The following AHI1 variants were observed in gnomAD, a reference collection of about 807,000 sequenced individuals.
AHI1 encodes jouberin.
Under a neutral mutation model 149.3 loss-of-function variants are expected in AHI1, and 123 were observed. The ratio of observed to expected loss-of-function variants is 0.82; its 90% CI spans 0.71 to 0.96. AHI1 has a LOEUF of 0.96. Ranked by LOEUF, AHI1 falls within the 40% of genes least tolerant of loss-of-function variation. The probability of loss-of-function intolerance (pLI) is 0.00; values close to 1 mark genes in which losing one functional copy is unlikely to be tolerated. For synonymous variants in AHI1, 475 were observed against 459.8 expected (o/e 1.03, Z -0.42); for missense variants, 1,439 against 1,422.7 (o/e 1.01, Z -0.18).
At chr6:135,359,366 G>C (rs1259372985) in intron 23 of AHI1, among the ~76,000 whole-genome samples, 2 of 152,082 alleles carry the variant, frequency 1.3e-5, no homozygotes, top group Non-Finnish European at 2.9e-5. Flanking sequence ...GTAAAACATG[G>C]ATATCCTTTT....
At chr6:135,316,617 A>C (rs1213327869) in intron 26 of AHI1, among the ~76,000 whole-genome samples, 1 of 151,332 alleles carries the variant, frequency 6.6e-6, no homozygotes, top group Non-Finnish European at 1.5e-5. Context: ...ATTCTTTCTT[A>C]ATTTTCTCTT....
chr6:135,492,623 G>A (rs779237387), intron 3 of AHI1: 62 of 985,218 alleles, frequency 6.3e-5, no homozygotes, highest in Middle Eastern at 5.2e-4. Flanking sequence ...ACATTTCAAC[G>A]CACTTTTAAG....
At chr6:135,366,262 C>T (rs756765746) in intron 23 of AHI1, among the ~76,000 whole-genome samples, 6 of 151,180 alleles carry the variant, frequency 4.0e-5, no homozygotes, top group Non-Finnish European at 7.4e-5. Context: ...TTTGTTACGT[C>T]CTTTCCTGGC....
At chr6:135,381,886 C>T (rs980596691) in intron 23 of AHI1, among the ~76,000 whole-genome samples, 4 of 152,092 alleles carry the variant, frequency 2.6e-5, no homozygotes, top group African/African-American at 7.2e-5. Flanking sequence ...AGTAGGCTCT[C>T]CATAAACAAT....
chr6:135,314,711 C>A lies in AHI1; in HGVS notation c.3426+3808G>T, dbSNP rs531148812. Reference sequence around the variant, plus strand: ...ACAGGCTACTCATTCTCACATAGTTCATGGTTCTCTCATGAACCATGAGAG... The same window carrying A: ...ACAGGCTACTCATTCTCACATAGTTAATGGTTCTCTCATGAACCATGAGAG... On this transcript the variant is annotated intron_variant, in intron 26 of 28. Coordinates refer to ENST00000265602, the MANE Select transcript of AHI1 (RefSeq NM_001134831.2). 5.3e-5 allele frequency among the ~76,000 whole-genome samples: 8 copies of A among 152,272 alleles called. No individual in the cohort carries two copies. In the East Asian group the frequency reaches 1.5e-3, roughly 29 times the overall value.
chr6:135,320,801 T>C (rs1482100189), intron 25 of AHI1, among the ~76,000 whole-genome samples: 1 of 152,156 alleles, frequency 6.6e-6, no homozygotes, highest in African/African-American at 2.4e-5. Flanking sequence ...TGAGGCATAC[T>C]CCAGAGTGAC....
At chr6:135,430,452 TAG>T (rs1403183528) in intron 17 of AHI1, among the ~76,000 whole-genome samples, 3 of 151,942 alleles carry the variant, frequency 2.0e-5, no homozygotes, top group Non-Finnish European at 4.4e-5. Flanking sequence ...ACAGATCTGA[TAG>T]ACTCAACAGA....
At chr6:135,373,518 A>G (rs551377114) in intron 23 of AHI1, among the ~76,000 whole-genome samples, 1 of 152,348 alleles carries the variant, frequency 6.6e-6, no homozygotes, top group Admixed American at 6.5e-5. Flanking sequence ...AGATACTAAT[A>G]CAGTCTAGAG....
intron 7 of AHI1, 69 bp from the exon 8 acceptor site, chr6:135,463,375 CAG>C (rs1790234493): frequency 1.6e-6 from 2 of 1,265,494 alleles, no homozygotes; most frequent in Non-Finnish European, 2.2e-6. Context: ...CATGATGCAA[CAG>C]AGTGAACAGT....
intron 5 of AHI1, among the ~76,000 whole-genome samples, chr6:135,474,226 C>T (rs1467392998): frequency 6.6e-6 from 1 of 152,138 alleles, no homozygotes; most frequent in East Asian, 1.9e-4. Flanking sequence ...CTTCTAGTAG[C>T]ACTTTTTTTG....
In AHI1 at chr6:135,455,888, A is replaced by G; in HGVS notation, c.1190T>C (p.Val397Ala). ...PVSSYYEKEN[V>A]DYILPIMTQP... Reference sequence around the variant, plus strand: ...GGTCATAATAGGAAGAATATAATCCACATTCTCTTTTTCATAGTAAGATGA... The same window carrying G: ...GGTCATAATAGGAAGAATATAATCCGCATTCTCTTTTTCATAGTAAGATGA... Residue 397 changes from valine (V) to alanine (A), a missense_variant, in exon 10 of 29, where the codon GTG becomes GCG. Coordinates refer to ENST00000265602, the MANE Select transcript of AHI1 (RefSeq NM_001134831.2). 1 of 1,548,062 alleles carries G rather than the reference A, an allele frequency of 6.5e-7. No individual in the cohort carries two copies. The highest frequency in any genetic ancestry group is 1.2e-5 in the South Asian group (1 of 80,248).
chr6:135,327,507 T>C (rs973155579), intron 24 of AHI1, among the ~76,000 whole-genome samples: 2 of 152,198 alleles, frequency 1.3e-5, no homozygotes, highest in Admixed American at 6.5e-5. Context: ...CAGTGTGGTG[T>C]TATAATATGT....
Position 135,399,187 on chromosome 6 carries a change from G to T in AHI1, c.2989-4291C>A, listed in dbSNP as rs370009392. 9.2e-4 allele frequency among the ~76,000 whole-genome samples: 140 copies of T among 152,184 alleles called. 2 individuals carry two copies. The highest frequency in any genetic ancestry group is 3.0e-3 in the African/African-American group (124 of 41,530). Reference sequence around the variant, plus strand: ...GACAGGGAAGACCCTGCTTCAAAACGAAAAATTCTACTTTCGAATTCCTAC... The same window carrying T: ...GACAGGGAAGACCCTGCTTCAAAACTAAAAATTCTACTTTCGAATTCCTAC... On this transcript the variant is annotated intron_variant, in intron 22 of 28. Transcript: ENST00000265602.
chr6:135,364,902 C>T lies in AHI1; in HGVS notation c.3110-6715G>A, dbSNP rs374071765. ...CCGTGGAAAGAGAGGGAGAGGGAGA[C>T]CGTGGGGAGAGGAAGAGGAAGAGGG... On this transcript the variant is annotated intron_variant, in intron 23 of 28. Coordinates refer to ENST00000265602, the MANE Select transcript of AHI1 (RefSeq NM_001134831.2). 4.0e-5 allele frequency among the ~76,000 whole-genome samples: 6 copies of T among 150,456 alleles called. No individual in the cohort carries two copies. In the East Asian group the frequency reaches 1.2e-3, roughly 29 times the overall value.
intron 5 of AHI1, among the ~76,000 whole-genome samples, chr6:135,489,495 T>C (rs1794941147): frequency 6.6e-6 from 1 of 152,158 alleles, no homozygotes; most frequent in Non-Finnish European, 1.5e-5. Flanking sequence ...TTTTTGCTTT[T>C]GCCCAACATA....
rs138772697 is a variant in AHI1, at chr6:135,466,493, T to C, written c.190-120A>G. 5.7e-4 allele frequency: 531 copies of C among 931,320 alleles called. 1 individual carries two copies. Among genetic ancestry groups the C allele is most frequent in the Admixed American group, 3.4e-3 (143 of 41,524 alleles). 57.7% of individuals were successfully genotyped at this position (931,320 alleles called of 1,614,324 possible). A position where few individuals can be genotyped will look rare whatever the true frequency, so the allele number is the denominator to read the frequency against. ...ATTGGGAGGATTATTTAGTTTTTCA[T>C]CTGGACATAGTGACACTATTTTAGA... On this transcript the variant is annotated intron_variant, in intron 6 of 28. Transcript: ENST00000265602.
intron 21 of AHI1, among the ~76,000 whole-genome samples, chr6:135,408,562 A>C (rs1170173105): frequency 6.6e-6 from 1 of 152,128 alleles, no homozygotes; most frequent in Non-Finnish European, 1.5e-5. Context: ...CAGAGATGGA[A>C]TGTAATCTGC....
At chr6:135,438,012 G>C (rs1336654802) in intron 15 of AHI1, among the ~76,000 whole-genome samples, 1 of 151,998 alleles carries the variant, frequency 6.6e-6, no homozygotes, top group Non-Finnish European at 1.5e-5. Context: ...TCTACCCTCT[G>C]CAAATCCAGC....
chr6:135,388,560 T>G (rs960516788), intron 23 of AHI1, among the ~76,000 whole-genome samples: 2 of 152,220 alleles, frequency 1.3e-5, no homozygotes, highest in East Asian at 3.8e-4. Flanking sequence ...TTCAGTTGTC[T>G]AAAAAGTTTT....
Sources: allele counts gnomAD v4.1 joint callset (sites outside exome capture counted in the v4.1 genomes callset), GRCh38; gene constraint gnomAD v4.1.1; transcripts MANE v1.5; gene names NCBI Gene and HGNC (gene_info 2026-07-23, HGNC 2026-07-21).